The following SLC24A2 variants were observed in gnomAD, a reference collection of about 807,000 sequenced individuals.
SLC24A2 encodes solute carrier family 24 member 2.
Under a neutral mutation model 62.0 loss-of-function variants are expected in SLC24A2, and 36 were observed. The ratio of observed to expected loss-of-function variants is 0.58; its 90% CI spans 0.44 to 0.77. The LOEUF (loss-of-function observed/expected upper bound fraction) is 0.77. Among genes scored for constraint, SLC24A2 ranks in the 30% least tolerant of loss-of-function variants. The pLI, the probability that SLC24A2 is intolerant of heterozygous loss-of-function variation, is 0.00. For synonymous variants in SLC24A2, 358 were observed against 294.0 expected (o/e 1.22, Z -2.23); for missense variants, 846 against 817.9 (o/e 1.03, Z -0.42).
the SLC24A2 span, among the ~76,000 whole-genome samples, chr9:20,278,357 A>C: frequency 9.8e-5 from 15 of 152,330 alleles, no homozygotes; most frequent in East Asian, 1.9e-3. Context: ...CTCCAGACCA[A>C]ATCTTTGTGA....
chr9:20,034,396 A>G, the SLC24A2 span, among the ~76,000 whole-genome samples: 1 of 151,608 alleles, frequency 6.6e-6, no homozygotes, highest in East Asian at 1.9e-4. Flanking sequence ...ATGTTTTACA[A>G]ATGGATTCAG....
chr9:19,783,642 A>C (rs928157115), intron 2 of SLC24A2, among the ~76,000 whole-genome samples: 1 of 152,200 alleles, frequency 6.6e-6, no homozygotes, highest in Non-Finnish European at 1.5e-5. Context: ...AAGTTTCTGC[A>C]ATCAGGCATA....
At chr9:19,704,278 G>C (rs897954303) in intron 2 of SLC24A2, among the ~76,000 whole-genome samples, 1 of 152,148 alleles carries the variant, frequency 6.6e-6, no homozygotes, top group Non-Finnish European at 1.5e-5. Context: ...GACATGGAAA[G>C]ATATTTGCAA....
At chr9:19,788,435 T>C (rs1823244721) in intron 1 of SLC24A2, 15 of 879,616 alleles carry the variant, frequency 1.7e-5, no homozygotes, top group Non-Finnish European at 1.8e-5. Flanking sequence ...CGTAGGAGAA[T>C]GTTCGCCCCC....
the SLC24A2 span, among the ~76,000 whole-genome samples, chr9:20,097,268 T>C: frequency 2.0e-5 from 3 of 152,188 alleles, no homozygotes; most frequent in South Asian, 2.1e-4. Flanking sequence ...AGTACTCCAA[T>C]TGCCCGATAA....
the SLC24A2 span, among the ~76,000 whole-genome samples, chr9:20,087,773 T>G: frequency 6.6e-6 from 1 of 151,690 alleles, no homozygotes; most frequent in Non-Finnish European, 1.5e-5. Flanking sequence ...TACAACACCT[T>G]CAGCTGAAAC....
At chr9:20,024,018 T>A in the SLC24A2 span, among the ~76,000 whole-genome samples, 1 of 152,226 alleles carries the variant, frequency 6.6e-6, no homozygotes, top group South Asian at 2.1e-4. Flanking sequence ...TAGCTGCATT[T>A]CCACGGAAAC....
At chr9:19,784,176 G>A (rs1823093254) in intron 2 of SLC24A2, among the ~76,000 whole-genome samples, 1 of 152,044 alleles carries the variant, frequency 6.6e-6, no homozygotes, top group Admixed American at 6.5e-5. Context: ...TTTAATGAAT[G>A]GTTTATAATT....
chr9:19,960,843 T>C, the SLC24A2 span, among the ~76,000 whole-genome samples: 1 of 152,174 alleles, frequency 6.6e-6, no homozygotes, highest in Non-Finnish European at 1.5e-5. Context: ...TGTGATAACA[T>C]ATGTAAAGCT....
chr9:19,568,590 CAA>C (rs1300532354), intron 7 of SLC24A2, among the ~76,000 whole-genome samples: 1 of 152,184 alleles, frequency 6.6e-6, no homozygotes, highest in Non-Finnish European at 1.5e-5. Context: ...CCCTGTTTCA[CAA>C]AGAGGGAAAA....
the SLC24A2 span, among the ~76,000 whole-genome samples, chr9:20,010,844 G>A: frequency 3.4e-5 from 5 of 146,014 alleles, no homozygotes; most frequent in South Asian, 2.1e-4. Context: ...CCACCTATGA[G>A]TGAGAACATG....
chr9:19,751,332 G>A (rs571393741), intron 2 of SLC24A2, among the ~76,000 whole-genome samples: 141 of 152,208 alleles, frequency 9.3e-4, no homozygotes, highest in African/African-American at 3.3e-3. Flanking sequence ...TGTGAAAGGC[G>A]GCCAAAGTAC....
chr9:19,727,091 C>T (rs539846818), intron 2 of SLC24A2, among the ~76,000 whole-genome samples: 3 of 152,238 alleles, frequency 2.0e-5, no homozygotes, highest in African/African-American at 7.2e-5. Flanking sequence ...ATTGTATCAC[C>T]TTATTTATCA....
At chr9:19,517,940 C>CACACACACACAT (rs1451813963) in intron 10 of SLC24A2, among the ~76,000 whole-genome samples, 1 of 149,262 alleles carries the variant, frequency 6.7e-6, no homozygotes, top group African/African-American at 2.5e-5. Flanking sequence ...CACACACACA[C>CACACACACACAT]ACACACACAC....
the SLC24A2 span, among the ~76,000 whole-genome samples, chr9:20,233,006 G>A: frequency 5.5e-3 from 830 of 152,250 alleles, 8 homozygotes; most frequent in African/African-American, 0.018. Context: ...TCAGGAGCAG[G>A]TTGTTCAGTT....
At chr9:20,108,624 C>T in the SLC24A2 span, among the ~76,000 whole-genome samples, 1 of 150,262 alleles carries the variant, frequency 6.7e-6, no homozygotes, top group Non-Finnish European at 1.5e-5. Flanking sequence ...TGCATATTCT[C>T]ACTCATAGGT....
At chr9:19,622,231 A>T in intron 3 of SLC24A2, 30 bp downstream of exon 3, 1 of 1,607,720 alleles carries the variant, frequency 6.2e-7, no homozygotes, top group Non-Finnish European at 8.5e-7. Flanking sequence ...AGGCACACAA[A>T]CAGGTACAGA....
intron 2 of SLC24A2, among the ~76,000 whole-genome samples, chr9:19,635,821 T>C (rs780885665): frequency 3.9e-5 from 6 of 152,236 alleles, no homozygotes; most frequent in Non-Finnish European, 7.3e-5. Flanking sequence ...TGCCACGACA[T>C]CTTTGCCTTT....
intron 2 of SLC24A2, among the ~76,000 whole-genome samples, chr9:19,686,522 G>A (rs541002177): frequency 1.4e-4 from 21 of 152,186 alleles, no homozygotes; most frequent in African/African-American, 2.6e-4. Flanking sequence ...TAATCTCCAC[G>A]TCTTGCGGGA....
Sources: allele counts gnomAD v4.1 joint callset (sites outside exome capture counted in the v4.1 genomes callset), GRCh38; gene constraint gnomAD v4.1.1; transcripts MANE v1.5; gene names NCBI Gene and HGNC (gene_info 2026-07-23, HGNC 2026-07-21).